CDH18: variants seen among roughly 807,000 people sequenced by gnomAD.
The protein encoded by CDH18 is cadherin 18.
In CDH18, 31 loss-of-function variants were observed where a neutral mutation model predicts 67.9. That is an observed-to-expected ratio of 0.46 (90% CI 0.34 to 0.62). The LOEUF is 0.62. Ranked by LOEUF, CDH18 falls within the 20% of genes least tolerant of loss-of-function variation. The pLI, the probability that CDH18 is intolerant of heterozygous loss-of-function variation, is 0.01. For missense variants in CDH18, 890 were observed against 975.5 expected, an observed-to-expected ratio of 0.91 and a Z score of 1.17; for synonymous variants, 362 against 347.2, an observed-to-expected ratio of 1.04 and a Z score of -0.48.
chr5:19,712,123 G>C (rs755435849), intron 5 of CDH18, among the ~76,000 whole-genome samples: 64 of 152,126 alleles, frequency 4.2e-4, no homozygotes, highest in Non-Finnish European at 8.8e-4. Flanking sequence ...CATGGACATA[G>C]AGTGGGGAAT....
intron 1 of CDH18, among the ~76,000 whole-genome samples, chr5:20,450,448 A>C (rs1000146956): frequency 6.6e-6 from 1 of 152,186 alleles, no homozygotes; most frequent in Non-Finnish European, 1.5e-5. Flanking sequence ...ACATTATTGC[A>C]CATCATCCAA....
chr5:20,280,954 G>A (rs1275827516), intron 1 of CDH18, among the ~76,000 whole-genome samples: 1 of 152,114 alleles, frequency 6.6e-6, no homozygotes, highest in East Asian at 1.9e-4. Context: ...TTCTCTGATG[G>A]CCAGTGATGA....
intron 4 of CDH18, among the ~76,000 whole-genome samples, chr5:19,737,694 AT>A (rs559116104): frequency 2.6e-3 from 397 of 152,286 alleles, no homozygotes; most frequent in Middle Eastern, 6.8e-3. Flanking sequence ...ACATATCCTG[AT>A]TGTTTAAATA....
intron 1 of CDH18, among the ~76,000 whole-genome samples, chr5:20,550,168 T>C (rs756688837): frequency 4.6e-5 from 7 of 152,202 alleles, no homozygotes; most frequent in Non-Finnish European, 7.3e-5. Flanking sequence ...TAAAAGGATC[T>C]GGCTATTGTT....
chr5:20,422,635 C>A (rs968117389), intron 1 of CDH18, among the ~76,000 whole-genome samples: 1 of 151,004 alleles, frequency 6.6e-6, no homozygotes, highest in African/African-American at 2.5e-5. Flanking sequence ...TCTTTGCACT[C>A]TCCCCAACAC....
At chr5:20,357,559 C>T (rs1298872195) in intron 1 of CDH18, among the ~76,000 whole-genome samples, 1 of 152,082 alleles carries the variant, frequency 6.6e-6, no homozygotes, top group African/African-American at 2.4e-5. Flanking sequence ...TGAAAAAATG[C>T]TCTTCATCTC....
intron 2 of CDH18, among the ~76,000 whole-genome samples, chr5:20,083,542 C>T (rs994057959): frequency 6.6e-6 from 1 of 152,184 alleles, no homozygotes; most frequent in Non-Finnish European, 1.5e-5. Context: ...GCTCCACAGA[C>T]TGGGCATTCC....
intron 5 of CDH18, among the ~76,000 whole-genome samples, chr5:19,655,356 A>G (rs1035010347): frequency 2.6e-5 from 4 of 151,924 alleles, no homozygotes; most frequent in African/African-American, 7.2e-5. Context: ...AATTATATGC[A>G]TTTGTGCATT....
At chr5:20,103,057 G>T (rs775670427) in intron 2 of CDH18, among the ~76,000 whole-genome samples, 3 of 152,116 alleles carry the variant, frequency 2.0e-5, no homozygotes, top group Non-Finnish European at 4.4e-5. Context: ...AGTACTCAGG[G>T]TGAGCATATC....
intron 3 of CDH18, among the ~76,000 whole-genome samples, chr5:19,833,729 A>T (rs2150003216): frequency 6.6e-6 from 1 of 152,274 alleles, no homozygotes; most frequent in East Asian, 1.9e-4. Flanking sequence ...TTTTAACATG[A>T]ACGGATGTTA....
chr5:20,569,617 C>A (rs1758697683), intron 1 of CDH18, among the ~76,000 whole-genome samples: 1 of 151,832 alleles, frequency 6.6e-6, no homozygotes, highest in Admixed American at 6.6e-5. Flanking sequence ...TCTCAAAAAC[C>A]ACAACAACAA....
chr5:19,936,628 G>GA (rs989702691), intron 2 of CDH18, among the ~76,000 whole-genome samples: 1 of 150,028 alleles, frequency 6.7e-6, no homozygotes, highest in Admixed American at 6.7e-5. Flanking sequence ...TTTCTTTAAA[G>GA]AAAAAAAATA....
At chr5:20,200,920 C>T (rs1282864648) in intron 2 of CDH18, among the ~76,000 whole-genome samples, 1 of 151,998 alleles carries the variant, frequency 6.6e-6, no homozygotes, top group Non-Finnish European at 1.5e-5. Context: ...TAAAAAATCA[C>T]TCCTTTTTCA....
At chr5:19,661,057 A>G (rs1757099169) in intron 5 of CDH18, among the ~76,000 whole-genome samples, 1 of 152,072 alleles carries the variant, frequency 6.6e-6, no homozygotes, top group Non-Finnish European at 1.5e-5. Flanking sequence ...AAGAAAGAAA[A>G]AAACAAAAGA....
intron 2 of CDH18, among the ~76,000 whole-genome samples, chr5:19,956,267 T>C (rs943372352): frequency 1.3e-5 from 2 of 152,018 alleles, no homozygotes; most frequent in African/African-American, 2.4e-5. Flanking sequence ...ACTTCTTCCA[T>C]ACTTTCTAAG....
At chr5:19,594,091 AAAAG>A (rs914746545) in intron 6 of CDH18, among the ~76,000 whole-genome samples, 1 of 152,104 alleles carries the variant, frequency 6.6e-6, no homozygotes, top group African/African-American at 2.4e-5. Flanking sequence ...ATGATATACA[AAAAG>A]AAGCCATTTT....
intron 9 of CDH18, among the ~76,000 whole-genome samples, chr5:19,529,213 T>C (rs1467821639): frequency 2.0e-5 from 3 of 151,998 alleles, no homozygotes; most frequent in African/African-American, 7.2e-5. Context: ...TTGTTTAACA[T>C]TTAAAAATCA....
intron 2 of CDH18, among the ~76,000 whole-genome samples, chr5:19,879,656 T>C (rs1039398321): frequency 1.3e-5 from 2 of 152,032 alleles, no homozygotes; most frequent in African/African-American, 4.8e-5. Flanking sequence ...TAAGTTTCAG[T>C]TGAAGTATTT....
At chr5:19,844,537 C>G (rs1464218050) in intron 2 of CDH18, among the ~76,000 whole-genome samples, 1 of 152,144 alleles carries the variant, frequency 6.6e-6, no homozygotes, top group Non-Finnish European at 1.5e-5. Context: ...ATTACCCAGT[C>G]TTGAGAGTGT....
Sources: gnomAD v4.1 joint callset for allele counts (sites outside exome capture counted in the v4.1 genomes callset) on GRCh38, gnomAD v4.1.1 for gene constraint, MANE v1.5 for transcripts, NCBI Gene and HGNC (gene_info 2026-07-23, HGNC 2026-07-21) for gene names.